DCDC2C: variants seen among roughly 807,000 people sequenced by gnomAD.
The protein encoded by DCDC2C is doublecortin domain containing 2C, also known as doublecortin domain-containing protein 2C.
DCDC2C carries 44 observed loss-of-function variants against 45.0 expected under a neutral mutation model. That is an observed-to-expected ratio of 0.98 (90% CI 0.77 to 1.26). The LOEUF (loss-of-function observed/expected upper bound fraction) is 1.26, where lower values mean the gene tolerates loss of function less well. Ranked by LOEUF, DCDC2C falls within the 50% of genes most tolerant of loss-of-function variation. DCDC2C has a pLI of 0.00. For synonymous variants in DCDC2C, 187 were observed against 178.8 expected, an observed-to-expected ratio of 1.05 and a Z score of -0.37; for missense variants, 447 against 468.9, an observed-to-expected ratio of 0.95 and a Z score of 0.43.
At chr2:3,805,321 G>A (rs894300261) in intron 10 of DCDC2C, among the ~76,000 whole-genome samples, 2 of 152,216 alleles carry the variant, frequency 1.3e-5, no homozygotes, top group Admixed American at 6.5e-5. Flanking sequence ...TCCGACCCCT[G>A]GTGGTGGAGA....
intron 2 of DCDC2C, among the ~76,000 whole-genome samples, chr2:3,722,585 C>T (rs538615944): frequency 2.6e-5 from 4 of 152,186 alleles, no homozygotes; most frequent in African/African-American, 9.7e-5. Flanking sequence ...AAGCTCATGG[C>T]GTCCTTCAGC....
At chr2:3,736,556 G>C (rs1409852331) in intron 3 of DCDC2C, among the ~76,000 whole-genome samples, 1 of 152,164 alleles carries the variant, frequency 6.6e-6, no homozygotes, top group Non-Finnish European at 1.5e-5. Flanking sequence ...GTGATGAGCA[G>C]AGGGGTAGGA....
intron 2 of DCDC2C, 145 bp from the exon 3 acceptor site, chr2:3,726,858 T>C (rs12711970): frequency 0.6 from 408,831 of 682,744 alleles, 124,717 homozygotes; most frequent in Non-Finnish European, 0.63. Context: ...CTCTGCATCC[T>C]TCCTGGACCC....
chr2:3,769,168 C>T (rs1004573231), intron 7 of DCDC2C, 143 bp from the exon 8 acceptor site: 11 of 668,182 alleles, frequency 1.6e-5, no homozygotes, highest in African/African-American at 1.3e-4. Flanking sequence ...GTGAGGCGGA[C>T]GGGGTTTGGG....
At chr2:3,801,601 C>A (rs1281809928) in intron 10 of DCDC2C, among the ~76,000 whole-genome samples, 1 of 152,226 alleles carries the variant, frequency 6.6e-6, no homozygotes, top group African/African-American at 2.4e-5. Flanking sequence ...GGGATCAAAT[C>A]CCTGTGGAAA....
At chr2:3,741,822 T>G in intron 3 of DCDC2C, 98 bp from the exon 4 acceptor site, 3 of 1,292,176 alleles carry the variant, frequency 2.3e-6, no homozygotes, top group Non-Finnish European at 3.1e-6. Flanking sequence ...GTGCATCTCA[T>G]TGTTTTTACA....
At position 3,703,666 on chromosome 2, in the gene DCDC2C, C is replaced by T; in HGVS notation, c.-86C>T. 1 of 1,191,256 alleles carries T rather than the reference C, an allele frequency of 8.4e-7. No homozygotes were observed. 73.8% of individuals were successfully genotyped at this position (1,191,256 alleles called of 1,614,324 possible). A position where few individuals can be genotyped will look rare whatever the true frequency, so the allele number is the denominator to read the frequency against. On this transcript the variant is annotated 5_prime_UTR_variant, in exon 1 of 11. Coordinates refer to ENST00000399143, the MANE Select transcript of DCDC2C (RefSeq NM_001287444.2). This position sits in a 1 kb window ranked among gnomAD's most constrained non-coding sequence, Gnocchi z 4.4. Reference sequence around the variant, plus strand: ...TGGAGCGGACCTCCCGTCGGCGGTGCCCGGGCCTGGGCGCGGCTCTGCAGG... The same window carrying T: ...TGGAGCGGACCTCCCGTCGGCGGTGTCCGGGCCTGGGCGCGGCTCTGCAGG...
At chr2:3,728,435 C>T (rs958386118) in intron 3 of DCDC2C, among the ~76,000 whole-genome samples, 8 of 152,200 alleles carry the variant, frequency 5.3e-5, no homozygotes, top group Admixed American at 2.0e-4. Context: ...ATACAGCAAC[C>T]TCAGGGAACG....
intron 10 of DCDC2C, among the ~76,000 whole-genome samples, chr2:3,795,552 T>A (rs1272980895): frequency 5.1e-5 from 6 of 116,960 alleles, no homozygotes; most frequent in Admixed American, 8.6e-5. Flanking sequence ...GTATAAGGTG[T>A]GAGGAAGGGA....
chr2:3,714,365 T>C (rs1400506864), intron 2 of DCDC2C, among the ~76,000 whole-genome samples: 1 of 152,212 alleles, frequency 6.6e-6, no homozygotes, highest in Admixed American at 6.5e-5. Flanking sequence ...ATGAGAAAAG[T>C]GTCCTTGGTC....
chr2:3,831,792 G>A (rs753546035), intron 10 of DCDC2C, among the ~76,000 whole-genome samples: 3 of 152,214 alleles, frequency 2.0e-5, no homozygotes, highest in African/African-American at 7.2e-5. Flanking sequence ...CTAAGGCAGA[G>A]CGCTCCGCCT....
At chr2:3,837,622 A>ATACAGTATCCAG (rs1558249632) in intron 10 of DCDC2C, among the ~76,000 whole-genome samples, 1 of 124,482 alleles carries the variant, frequency 8.0e-6, no homozygotes, top group African/African-American at 2.8e-5. Flanking sequence ...GAAACTGAGG[A>ATACAGTATCCAG]AGAAATCAGC....
At chr2:3,718,999 C>T (rs1422761359) in intron 2 of DCDC2C, among the ~76,000 whole-genome samples, 1 of 152,128 alleles carries the variant, frequency 6.6e-6, no homozygotes, top group Non-Finnish European at 1.5e-5. Flanking sequence ...GAAAGTTCTC[C>T]AAGTCCCCAC....
At chr2:3,754,739 C>A in intron 6 of DCDC2C, 105 bp downstream of exon 6, 3 of 963,984 alleles carry the variant, frequency 3.1e-6, no homozygotes, top group Non-Finnish European at 4.6e-6. Context: ...GTAAACAGAG[C>A]ATCAGTGCCA....
intron 10 of DCDC2C, among the ~76,000 whole-genome samples, chr2:3,809,460 A>C (rs965622153): frequency 6.6e-6 from 1 of 152,220 alleles, no homozygotes; most frequent in Non-Finnish European, 1.5e-5. Flanking sequence ...AGATTTATGC[A>C]TAAATATTTT....
intron 10 of DCDC2C, among the ~76,000 whole-genome samples, chr2:3,838,440 C>T (rs544957316): frequency 7.2e-6 from 1 of 137,946 alleles, no homozygotes; most frequent in South Asian, 2.7e-4. Context: ...TTGTGGTCCC[C>T]AAGGATCATG....
intron 10 of DCDC2C, among the ~76,000 whole-genome samples, chr2:3,832,385 C>T (rs1239181032): frequency 6.6e-6 from 1 of 152,226 alleles, no homozygotes; most frequent in Admixed American, 6.5e-5. Flanking sequence ...AGCCAATCTA[C>T]CCGTCTCCTT....
chr2:3,797,416 T>C, intron 10 of DCDC2C, among the ~76,000 whole-genome samples: 1 of 151,712 alleles, frequency 6.6e-6, no homozygotes, highest in South Asian at 2.1e-4. Context: ...TTCTAGCTTT[T>C]GAATGTGTTT....
chr2:3,788,913 C>T (rs759760188), intron 10 of DCDC2C, among the ~76,000 whole-genome samples: 1 of 145,102 alleles, frequency 6.9e-6, no homozygotes, highest in Non-Finnish European at 1.5e-5. Context: ...CTCCCTCTGT[C>T]ACCTGCAAGC....
Sources: allele counts gnomAD v4.1 joint callset (sites outside exome capture counted in the v4.1 genomes callset), GRCh38; gene constraint gnomAD v4.1.1; non-coding constraint Gnocchi (gnomAD v3.1); transcripts MANE v1.5; gene names NCBI Gene and HGNC (gene_info 2026-07-23, HGNC 2026-07-21).